The following ADIPOR2 variants were observed in gnomAD, a reference collection of about 807,000 sequenced individuals.
ADIPOR2 encodes the protein adiponectin receptor 2, also known as adiponectin receptor protein 2.
Under a neutral mutation model 40.9 loss-of-function variants are expected in ADIPOR2, and 18 were observed. The observed-to-expected ratio is 0.44, with a 90% CI of 0.30 to 0.65. The LOEUF is 0.65. ADIPOR2 is among the 30% of genes least tolerant of loss of function. The pLI, the probability that ADIPOR2 is intolerant of heterozygous loss-of-function variation, is 0.09. For missense variants in ADIPOR2, 283 were observed against 479.2 expected (o/e 0.59, Z 3.82); for synonymous variants, 165 against 166.4 (o/e 0.99, Z 0.06).
chr12:1,773,239 G>A (rs1443162789), intron 3 of ADIPOR2, among the ~76,000 whole-genome samples: 2 of 152,182 alleles, frequency 1.3e-5, no homozygotes, highest in Non-Finnish European at 2.9e-5. Flanking sequence ...TCTTATTGGT[G>A]GTTTAGACAA....
At chr12:1,739,976 C>T (rs1592601750) in intron 1 of ADIPOR2, among the ~76,000 whole-genome samples, 1 of 152,042 alleles carries the variant, frequency 6.6e-6, no homozygotes, top group South Asian at 2.1e-4. Flanking sequence ...GTGGCACATG[C>T]CTGTAATCCT....
At chr12:1,756,421 A>T (rs1273147918) in intron 2 of ADIPOR2, among the ~76,000 whole-genome samples, 1 of 148,848 alleles carries the variant, frequency 6.7e-6, no homozygotes, top group Non-Finnish European at 1.5e-5. Flanking sequence ...AATTGCTGAG[A>T]TTACAAGCGT....
intron 1 of ADIPOR2, among the ~76,000 whole-genome samples, chr12:1,711,589 T>C (rs912135906): frequency 4.3e-5 from 6 of 140,584 alleles, no homozygotes; most frequent in African/African-American, 1.6e-4. Flanking sequence ...ACTACTTCTA[T>C]CTCTGTGTCT....
intron 1 of ADIPOR2, among the ~76,000 whole-genome samples, chr12:1,722,491 T>C (rs929191045): frequency 6.6e-6 from 1 of 152,214 alleles, no homozygotes; most frequent in Non-Finnish European, 1.5e-5. Flanking sequence ...GTATGTCTGC[T>C]AGATTTGGTA....
At chr12:1,775,787 A>G (rs1167722896) in intron 3 of ADIPOR2, among the ~76,000 whole-genome samples, 2 of 152,212 alleles carry the variant, frequency 1.3e-5, no homozygotes, top group Non-Finnish European at 2.9e-5. Context: ...CTCTGACACT[A>G]AAAGAAGCAG....
intron 1 of ADIPOR2, among the ~76,000 whole-genome samples, chr12:1,728,731 A>C (rs1337895220): frequency 6.6e-6 from 1 of 152,104 alleles, no homozygotes; most frequent in African/African-American, 2.4e-5. Flanking sequence ...CTTAAAAAAA[A>C]CAAAAATAAA....
intron 1 of ADIPOR2, among the ~76,000 whole-genome samples, chr12:1,718,723 G>A (rs34971659): frequency 0.011 from 1,734 of 152,168 alleles, 23 homozygotes; most frequent in Non-Finnish European, 0.018. Context: ...CTTTCCATGG[G>A]TACAATAAGA....
chr12:1,712,049 G>A (rs1174552276), intron 1 of ADIPOR2, among the ~76,000 whole-genome samples: 2 of 152,108 alleles, frequency 1.3e-5, no homozygotes, highest in South Asian at 4.1e-4. Flanking sequence ...TGGGGGAGGA[G>A]GCTTACTTTC....
chr12:1,776,152 T>G (rs2154444277), intron 3 of ADIPOR2, among the ~76,000 whole-genome samples: 1 of 152,284 alleles, frequency 6.6e-6, no homozygotes, highest in African/African-American at 2.4e-5. Context: ...CATCTGTTCT[T>G]AAATTGTTAG....
intron 1 of ADIPOR2, among the ~76,000 whole-genome samples, chr12:1,747,193 G>T (rs1031997710): frequency 2.6e-5 from 4 of 152,034 alleles, no homozygotes; most frequent in Admixed American, 2.6e-4. Flanking sequence ...CATTCTTCAG[G>T]ATAGACCATA....
chr12:1,710,890 A>C (rs549675041), intron 1 of ADIPOR2, among the ~76,000 whole-genome samples: 3 of 152,150 alleles, frequency 2.0e-5, no homozygotes, highest in Non-Finnish European at 4.4e-5. Context: ...GGAGGAAACA[A>C]ATTTGACAAG....
intron 4 of ADIPOR2, 189 bp downstream of exon 4, chr12:1,778,214 T>A: frequency 1.7e-6 from 1 of 585,104 alleles, no homozygotes; most frequent in Non-Finnish European, 2.7e-6. Flanking sequence ...GATTTTGTTA[T>A]AACTTAAGTT....
chr12:1,779,414 AC>A (rs1862668300), intron 4 of ADIPOR2, among the ~76,000 whole-genome samples: 1 of 152,246 alleles, frequency 6.6e-6, no homozygotes, highest in African/African-American at 2.4e-5. Context: ...AAGAAGCCAG[AC>A]ACAGAAGGTC....
intron 1 of ADIPOR2, among the ~76,000 whole-genome samples, chr12:1,717,986 G>A (rs954949898): frequency 6.6e-6 from 1 of 151,694 alleles, no homozygotes; most frequent in Non-Finnish European, 1.5e-5. Context: ...GTTTCCTTTA[G>A]CAAAAGGTGA....
intron 1 of ADIPOR2, among the ~76,000 whole-genome samples, chr12:1,739,811 G>C (rs7297509): frequency 0.27 from 41,007 of 152,144 alleles, 6,155 homozygotes; most frequent in Admixed American, 0.44. Flanking sequence ...ATGTTTAAAA[G>C]TTAAATTAGC....
chr12:1,746,947 ATTGT>A (rs1319139755), intron 1 of ADIPOR2, among the ~76,000 whole-genome samples: 2 of 151,960 alleles, frequency 1.3e-5, no homozygotes, highest in Non-Finnish European at 2.9e-5. Context: ...GAAGAGGAAG[ATTGT>A]TTGAACCCAG....
In ADIPOR2 at chr12:1,707,448, G is replaced by A. The variant is rs1592575420; in HGVS notation, c.-87+16257G>A. Among the ~76,000 whole-genome samples, 8 of 151,322 alleles carry A rather than the reference G, an allele frequency of 5.3e-5. 1 individual carries two copies. In the Middle Eastern group the frequency reaches 0.017, roughly 324 times the overall value. ...TTAGTGTGAATTGATATCTTATTGT[G>A]GTTTTTATTTACATTTTTCTTTTTA... On this transcript the variant is annotated intron_variant, in intron 1 of 7. Transcript: ENST00000357103.
At chr12:1,706,475 CTG>C (rs1419803806) in intron 1 of ADIPOR2, among the ~76,000 whole-genome samples, 1 of 152,112 alleles carries the variant, frequency 6.6e-6, no homozygotes, top group East Asian at 1.9e-4. Flanking sequence ...TGAAGGAAGA[CTG>C]TTTAGGAGGC....
chr12:1,784,121 A>G, intron 7 of ADIPOR2, 48 bp downstream of exon 7: 1 of 1,457,554 alleles, frequency 6.9e-7, no homozygotes, highest in South Asian at 1.5e-5. Flanking sequence ...CTCATGAGTT[A>G]TTGGCATCCT....
Sources: gnomAD v4.1 joint callset for allele counts (sites outside exome capture counted in the v4.1 genomes callset) on GRCh38, gnomAD v4.1.1 for gene constraint, MANE v1.5 for transcripts, NCBI Gene and HGNC (gene_info 2026-07-23, HGNC 2026-07-21) for gene names.